Variants in NMBR observed in about 807,000 individuals in gnomAD.
NMBR encodes neuromedin B receptor.
Under a neutral mutation model 20.5 loss-of-function variants are expected in NMBR, and 16 were observed. The ratio of observed to expected loss-of-function variants is 0.78; its 90% CI spans 0.53 to 1.19. The LOEUF is 1.19. Ranked by LOEUF, NMBR falls within the 50% of genes most tolerant of loss-of-function variation. The pLI, the probability that NMBR is intolerant of heterozygous loss-of-function variation, is 0.00. For synonymous variants in NMBR, 212 were observed against 196.6 expected, an observed-to-expected ratio of 1.08 and a Z score of -0.65; for missense variants, 582 against 499.1, an observed-to-expected ratio of 1.17 and a Z score of -1.58.
chr6:142,094,811 A>C (rs1195264735), intron 1 of NMBR, among the ~76,000 whole-genome samples: 1 of 151,972 alleles, frequency 6.6e-6, no homozygotes, highest in African/African-American at 2.4e-5. Context: ...ATTTCTTTGT[A>C]TCCTCTTTTA....
chr6:142,100,247 A>C (rs944925702), intron 1 of NMBR, among the ~76,000 whole-genome samples: 1 of 152,218 alleles, frequency 6.6e-6, no homozygotes, highest in Non-Finnish European at 1.5e-5. Context: ...TGTCCACACA[A>C]AAACCAACAC....
chr6:142,119,790 C>G (rs575054502), intron 1 of NMBR, among the ~76,000 whole-genome samples: 1 of 151,790 alleles, frequency 6.6e-6, no homozygotes, highest in Admixed American at 6.6e-5. Flanking sequence ...GTTTCAGAGT[C>G]TTTCGTTTTA....
intron 1 of NMBR, among the ~76,000 whole-genome samples, chr6:142,093,371 C>T (rs1257170887): frequency 2.9e-5 from 4 of 139,194 alleles, no homozygotes; most frequent in Non-Finnish European, 3.0e-5. Context: ...TCTCATTGTT[C>T]AATTCCCACC....
At chr6:142,137,404 A>G (rs930401479) in intron 1 of NMBR, among the ~76,000 whole-genome samples, 3 of 152,166 alleles carry the variant, frequency 2.0e-5, no homozygotes, top group African/African-American at 7.2e-5. Flanking sequence ...GGCTGAGACA[A>G]TGGGGTTTTC....
intron 1 of NMBR, among the ~76,000 whole-genome samples, chr6:142,093,799 TCCTCTCCGACA>T (rs1285158198): frequency 2.6e-5 from 4 of 152,158 alleles, no homozygotes; most frequent in African/African-American, 9.7e-5. Flanking sequence ...TTTTTCCACA[TCCTCTCCGACA>T]CCTGTTGTTT....
chr6:142,085,367 T>A (rs1420731601), intron 2 of NMBR, among the ~76,000 whole-genome samples: 1 of 152,016 alleles, frequency 6.6e-6, no homozygotes, highest in African/African-American at 2.4e-5. Flanking sequence ...CTACTAAAAA[T>A]ACAAAAATTA....
chr6:142,137,287 T>C (rs368176442), intron 1 of NMBR, among the ~76,000 whole-genome samples: 35 of 152,082 alleles, frequency 2.3e-4, no homozygotes, highest in Non-Finnish European at 4.1e-4. Context: ...CATGATTTGG[T>C]TCTCTGTTTG....
chr6:142,078,046 T>C (rs564928056), intron 3 of NMBR, among the ~76,000 whole-genome samples: 4 of 152,278 alleles, frequency 2.6e-5, no homozygotes, highest in Non-Finnish European at 4.4e-5. Flanking sequence ...ATTGCACCTT[T>C]GGGTTCCTTT....
intron 1 of NMBR, among the ~76,000 whole-genome samples, chr6:142,098,178 A>G (rs941922655): frequency 1.3e-5 from 2 of 152,138 alleles, no homozygotes; most frequent in African/African-American, 4.8e-5. Context: ...TAAACCCTTC[A>G]CATCCAAGAG....
intron 1 of NMBR, among the ~76,000 whole-genome samples, chr6:142,140,036 T>A (rs529996703): frequency 1.4e-4 from 21 of 152,206 alleles, no homozygotes; most frequent in Admixed American, 3.3e-4. Flanking sequence ...TTAAAACCTA[T>A]GAGATATGAG....
At chr6:142,092,628 C>A (rs1375601525) in intron 1 of NMBR, among the ~76,000 whole-genome samples, 2 of 152,110 alleles carry the variant, frequency 1.3e-5, no homozygotes, top group African/African-American at 4.8e-5. Flanking sequence ...AAACAGTGAT[C>A]CCTAAGACAG....
At chr6:142,092,706 T>C (rs1202274886) in intron 1 of NMBR, among the ~76,000 whole-genome samples, 2 of 152,156 alleles carry the variant, frequency 1.3e-5, no homozygotes, top group Admixed American at 6.5e-5. Context: ...TTTCAGCCCA[T>C]GCACAAGGAT....
intron 2 of NMBR, among the ~76,000 whole-genome samples, chr6:142,079,257 A>T (rs868865949): frequency 1.3e-5 from 2 of 152,136 alleles, no homozygotes; most frequent in Non-Finnish European, 2.9e-5. Flanking sequence ...AGTAAGAGAG[A>T]TGCCAACAAT....
At chr6:142,139,836 T>A (rs1778335111) in intron 1 of NMBR, among the ~76,000 whole-genome samples, 1 of 152,130 alleles carries the variant, frequency 6.6e-6, no homozygotes, top group Non-Finnish European at 1.5e-5. Context: ...CATATTCCAA[T>A]ATAAAAACTA....
chr6:142,082,257 C>G (rs111525493), intron 2 of NMBR, among the ~76,000 whole-genome samples: 3 of 152,102 alleles, frequency 2.0e-5, no homozygotes, highest in African/African-American at 7.2e-5. Context: ...GTCTTGCTCA[C>G]TGTTATATCT....
chr6:142,104,083 C>T (rs761110715), intron 1 of NMBR, among the ~76,000 whole-genome samples: 5 of 152,228 alleles, frequency 3.3e-5, no homozygotes, highest in Middle Eastern at 3.4e-3. Context: ...CTGACTATGT[C>T]GGCCATACTG....
intron 1 of NMBR, among the ~76,000 whole-genome samples, chr6:142,120,934 A>G (rs1397371270): frequency 6.6e-6 from 1 of 151,896 alleles, no homozygotes; most frequent in Admixed American, 6.6e-5. Flanking sequence ...CAGATACTGC[A>G]TTTTTTACAA....
chr6:142,137,726 G>A (rs1173985929), intron 1 of NMBR, among the ~76,000 whole-genome samples: 1 of 152,048 alleles, frequency 6.6e-6, no homozygotes, highest in Non-Finnish European at 1.5e-5. Context: ...TTTTGTCAAA[G>A]GCCTTTTCTG....
intron 1 of NMBR, among the ~76,000 whole-genome samples, chr6:142,140,831 CAG>C (rs1231716752): frequency 6.6e-6 from 1 of 151,940 alleles, no homozygotes; most frequent in African/African-American, 2.4e-5. Context: ...GGAATGATGA[CAG>C]AGATTAAAGA....
Sources: allele counts gnomAD v4.1 joint callset (sites outside exome capture counted in the v4.1 genomes callset), GRCh38; gene constraint gnomAD v4.1.1; transcripts MANE v1.5; gene names NCBI Gene and HGNC (gene_info 2026-07-23, HGNC 2026-07-21).